DCC: variants seen among roughly 807,000 people sequenced by gnomAD.
DCC encodes netrin receptor DCC.
A neutral mutation model predicts 172.5 loss-of-function variants in DCC; 58 were observed. The ratio of observed to expected loss-of-function variants is 0.34; its 90% confidence interval spans 0.27 to 0.42. DCC has a LOEUF of 0.42. Ranked by LOEUF, DCC falls within the 10% of genes least tolerant of loss-of-function variation. The probability of loss-of-function intolerance (pLI) is 1.00; values close to 1 mark genes in which losing one functional copy is unlikely to be tolerated. For missense variants in DCC, 1,740 were observed against 1,791.0 expected (o/e 0.97, Z 0.51); for synonymous variants, 709 against 644.5 (o/e 1.10, Z -1.52).
chr18:52,454,551 T>C (rs1179080813), intron 1 of DCC, among the ~76,000 whole-genome samples: 1 of 152,118 alleles, frequency 6.6e-6, no homozygotes, highest in African/African-American at 2.4e-5. Context: ...TCCACTCCTA[T>C]TGACCGTGGT....
chr18:53,348,513 G>T (rs1429536240), intron 15 of DCC, among the ~76,000 whole-genome samples: 1 of 152,126 alleles, frequency 6.6e-6, no homozygotes, highest in Admixed American at 6.5e-5. Context: ...AGCATTCTGG[G>T]GTCTGGAGGA....
chr18:52,915,027 A>G (rs558605784), intron 3 of DCC, among the ~76,000 whole-genome samples: 1 of 152,306 alleles, frequency 6.6e-6, no homozygotes, highest in South Asian at 2.1e-4. Context: ...CAGAAAGCAT[A>G]AAAATTAAAA....
At chr18:52,798,283 A>C (rs2037916878) in intron 2 of DCC, among the ~76,000 whole-genome samples, 1 of 152,194 alleles carries the variant, frequency 6.6e-6, no homozygotes, top group African/African-American at 2.4e-5. Context: ...AGAAAACAAA[A>C]ATTTGGAAAA....
At chr18:53,198,658 G>C (rs532850741) in intron 9 of DCC, among the ~76,000 whole-genome samples, 4 of 152,228 alleles carry the variant, frequency 2.6e-5, no homozygotes, top group South Asian at 4.1e-4. Flanking sequence ...AGTGCAAATA[G>C]TGACATGTAA....
chr18:52,342,065 A>T (rs1983662713), intron 1 of DCC, among the ~76,000 whole-genome samples: 1 of 152,096 alleles, frequency 6.6e-6, no homozygotes, highest in African/African-American at 2.4e-5. Flanking sequence ...CTTCTCTGCT[A>T]AGTGCTGCAT....
intron 1 of DCC, among the ~76,000 whole-genome samples, chr18:52,458,615 T>G (rs1447413948): frequency 6.6e-6 from 1 of 152,168 alleles, no homozygotes; most frequent in Non-Finnish European, 1.5e-5. Context: ...CAAATTTGCC[T>G]AATTTAAGAA....
At chr18:53,509,926 A>AT (rs2046230069) in intron 27 of DCC, among the ~76,000 whole-genome samples, 1 of 152,158 alleles carries the variant, frequency 6.6e-6, no homozygotes. Flanking sequence ...AAATTTATTC[A>AT]TTTTCATAGA....
intron 9 of DCC, among the ~76,000 whole-genome samples, chr18:53,184,585 C>T (rs1020527435): frequency 6.6e-6 from 1 of 151,972 alleles, no homozygotes; most frequent in Non-Finnish European, 1.5e-5. Flanking sequence ...ATACTGCAGG[C>T]AATTATAACA....
intron 1 of DCC, among the ~76,000 whole-genome samples, chr18:52,364,021 T>C (rs972473413): frequency 3.9e-5 from 6 of 152,222 alleles, no homozygotes; most frequent in African/African-American, 1.4e-4. Flanking sequence ...CCCCTGAGAC[T>C]GACACCTAAG....
chr18:53,433,770 C>G (rs1284450632), intron 21 of DCC, among the ~76,000 whole-genome samples: 4 of 152,182 alleles, frequency 2.6e-5, no homozygotes, highest in African/African-American at 9.7e-5. Context: ...CTCACCACCA[C>G]CTTCCCCCTG....
At chr18:52,781,300 C>A (rs9950856) in intron 2 of DCC, among the ~76,000 whole-genome samples, 8,035 of 152,048 alleles carry the variant, frequency 0.053, 287 homozygotes, top group South Asian at 0.16. Context: ...CAGAATAGTG[C>A]GGGAAGATCA....
intron 9 of DCC, among the ~76,000 whole-genome samples, chr18:53,186,180 A>G (rs183813736): frequency 9.2e-5 from 14 of 152,300 alleles, no homozygotes; most frequent in African/African-American, 2.9e-4. Flanking sequence ...CTGCTTCATG[A>G]GAAATTGCAT....
At chr18:52,514,720 T>C (rs2031565326) in intron 1 of DCC, among the ~76,000 whole-genome samples, 1 of 152,180 alleles carries the variant, frequency 6.6e-6, no homozygotes, top group Admixed American at 6.5e-5. Context: ...AGAATAGAAA[T>C]ACAAATGTGA....
At chr18:53,061,816 T>C (rs1351433621) in intron 5 of DCC, among the ~76,000 whole-genome samples, 4 of 152,052 alleles carry the variant, frequency 2.6e-5, no homozygotes, top group Non-Finnish European at 5.9e-5. Context: ...CTGCTTCAGG[T>C]AGTGGGAGAG....
chr18:52,615,242 T>C (rs1198688698), intron 1 of DCC, among the ~76,000 whole-genome samples: 1 of 152,196 alleles, frequency 6.6e-6, no homozygotes, highest in African/African-American at 2.4e-5. Flanking sequence ...CAGGTTCTGA[T>C]CAATTTATGT....
At chr18:53,129,873 G>T (rs572479816) in intron 7 of DCC, among the ~76,000 whole-genome samples, 144 of 152,110 alleles carry the variant, frequency 9.5e-4, no homozygotes, top group Middle Eastern at 6.8e-3. Context: ...GAATTGCTAG[G>T]CCATATAAAA....
Position 52,609,375 on chromosome 18 carries a change from T to C in DCC, c.92-142679T>C, listed in dbSNP as rs191566267. Among the ~76,000 whole-genome samples, 477 of 151,856 alleles carry C rather than the reference T, an allele frequency of 3.1e-3. 7 individuals carry two copies. The highest frequency in any genetic ancestry group is 0.011 in the African/African-American group (446 of 41,392). ...TAGGACTGAGACAGACGAACAGAGG[T>C]TTTGATCTTATTACAATATAGCAGC... On this transcript the variant is annotated intron_variant, in intron 1 of 28. Coordinates refer to ENST00000442544, the MANE Select transcript of DCC (RefSeq NM_005215.4).
At chr18:52,903,460 G>T (rs2039838185) in intron 2 of DCC, among the ~76,000 whole-genome samples, 1 of 152,230 alleles carries the variant, frequency 6.6e-6, no homozygotes, top group Middle Eastern at 3.4e-3. Context: ...TCTCACCTTT[G>T]CCTCCTAAAA....
chr18:52,872,457 T>C (rs2039336150), intron 2 of DCC, among the ~76,000 whole-genome samples: 2 of 152,182 alleles, frequency 1.3e-5, no homozygotes, highest in East Asian at 1.9e-4. Flanking sequence ...CGAATGCCGA[T>C]CTACCCCAGA....
Sources: allele counts gnomAD v4.1 joint callset (sites outside exome capture counted in the v4.1 genomes callset), GRCh38; gene constraint gnomAD v4.1.1; transcripts MANE v1.5; gene names NCBI Gene and HGNC (gene_info 2026-07-23, HGNC 2026-07-21).